Variants in CDK14 observed in about 807,000 individuals in gnomAD.
CDK14 encodes the protein cyclin dependent kinase 14.
Under a neutral mutation model 60.7 loss-of-function variants are expected in CDK14, and 34 were observed. The observed-to-expected ratio is 0.56, with a 90% confidence interval of 0.43 to 0.75. CDK14 has a LOEUF of 0.75. Among genes scored for constraint, CDK14 ranks in the 30% least tolerant of loss-of-function variants. CDK14 has a pLI of 0.00. For synonymous variants in CDK14, 197 were observed against 203.7 expected (o/e 0.97, Z 0.28); for missense variants, 482 against 564.1 (o/e 0.85, Z 1.47).
At chr7:90,829,350 C>T (rs920122248) in intron 5 of CDK14, among the ~76,000 whole-genome samples, 4 of 152,104 alleles carry the variant, frequency 2.6e-5, no homozygotes, top group African/African-American at 9.7e-5. Flanking sequence ...AGTCCAAAGT[C>T]CCATCTGACA....
At chr7:91,058,392 C>G (rs2116096174) in intron 11 of CDK14, among the ~76,000 whole-genome samples, 1 of 152,214 alleles carries the variant, frequency 6.6e-6, no homozygotes, top group Admixed American at 6.5e-5. Flanking sequence ...ATTGAATACC[C>G]TTTATTTCCT....
Position 91,118,199 on chromosome 7 carries a change from G to T in CDK14, c.*19G>T, listed in dbSNP as rs192554076. On this transcript the variant is annotated 3_prime_UTR_variant, in exon 14 of 15. Transcript: ENST00000380050. Reference sequence around the variant, plus strand: ...GCACTGACAAGCAGCACATTCTCAAGAGCACACAGGTAAGAGGACCTGCTT... The same window carrying T: ...GCACTGACAAGCAGCACATTCTCAATAGCACACAGGTAAGAGGACCTGCTT... 6.9e-7 allele frequency: 1 copy of T among 1,448,912 alleles called. No homozygotes were observed. The highest frequency in any genetic ancestry group is 1.4e-5 in the African/African-American group (1 of 71,664). The allele number at this position is 1,448,912 out of a possible 1,614,324, so 89.8% of individuals were successfully genotyped here. A position where few individuals can be genotyped will look rare whatever the true frequency, so the allele number is the denominator to read the frequency against.
At chr7:91,062,211 A>G (rs1382095316) in intron 11 of CDK14, among the ~76,000 whole-genome samples, 4 of 152,174 alleles carry the variant, frequency 2.6e-5, no homozygotes, top group Non-Finnish European at 5.9e-5. Flanking sequence ...GGTGTGGGAT[A>G]CAATGTCCTG....
intron 1 of CDK14, among the ~76,000 whole-genome samples, chr7:90,598,210 A>G (rs932152352): frequency 6.6e-6 from 1 of 152,250 alleles, no homozygotes; most frequent in Non-Finnish European, 1.5e-5. Flanking sequence ...GTGTTAAATA[A>G]TTCATTGCAA....
intron 2 of CDK14, among the ~76,000 whole-genome samples, chr7:90,690,464 TAG>T (rs1408206060): frequency 2.0e-5 from 3 of 152,186 alleles, no homozygotes; most frequent in Non-Finnish European, 2.9e-5. Flanking sequence ...GTAAAATACT[TAG>T]AAATACCCAT....
chr7:91,161,248 C>T lies in CDK14; in HGVS notation c.*28+43040C>T, dbSNP rs1284701203. On this transcript the variant is annotated intron_variant, in intron 14 of 14. Transcript: ENST00000380050. ...TAGACGGAGAGGATTCAGGAAGGAG[C>T]CTCCCAAGGCGCAGAATCAGTGGTG... Among the ~76,000 whole-genome samples, 3 of 152,218 alleles carry T rather than the reference C, an allele frequency of 2.0e-5. No homozygotes were observed. The East Asian group carries it at 5.8e-4, about 29-fold the overall frequency.
rs1014914528 is a variant in CDK14 at position 91,125,606 on chromosome 7, G to T, written c.*28+7398G>T. Among the ~76,000 whole-genome samples, 47 of 151,968 alleles carry T rather than the reference G, an allele frequency of 3.1e-4. 1 individual carries two copies. The highest frequency in any genetic ancestry group is 1.1e-3 in the African/African-American group (47 of 41,378). ...AAAGAATAATTTTTCAGCAGTCCTT[G>T]AGTTGTGAAGATAACATCATAGATT... On this transcript the variant is annotated intron_variant, in intron 14 of 14. Coordinates refer to ENST00000380050, the MANE Select transcript of CDK14 (RefSeq NM_001287135.2).
Position 90,601,765 on chromosome 7 carries a change from C to T in CDK14, c.92-2453C>T, listed in dbSNP as rs574659444. Among the ~76,000 whole-genome samples the T allele has an allele frequency of 8.6e-5, 13 of 151,520 alleles. No individual in the cohort carries two copies. In the East Asian group the frequency reaches 9.7e-4, roughly 11 times the overall value. On this transcript the variant is annotated intron_variant, in intron 1 of 14. Transcript: ENST00000380050. ...TAAGGGATAGTATCTTTTTTTTTGG[C>T]GGCAGAGGAACAGGGTCTCACTCTG...
chr7:91,113,001 G>C (rs953666709), intron 13 of CDK14, among the ~76,000 whole-genome samples: 6 of 152,138 alleles, frequency 3.9e-5, no homozygotes, highest in African/African-American at 1.4e-4. Context: ...GTCTGCAGCT[G>C]TGCATCTTTG....
At chr7:90,708,635 T>TTA (rs1192256031) in intron 2 of CDK14, among the ~76,000 whole-genome samples, 1 of 152,144 alleles carries the variant, frequency 6.6e-6, no homozygotes, top group Non-Finnish European at 1.5e-5. Flanking sequence ...GATGATTCAT[T>TTA]TAAACCAATT....
At chr7:90,642,017 C>T (rs1800349857) in intron 2 of CDK14, among the ~76,000 whole-genome samples, 1 of 152,128 alleles carries the variant, frequency 6.6e-6, no homozygotes, top group Admixed American at 6.5e-5. Context: ...AAGGGAAAAA[C>T]CTGCCTCCCT....
intron 9 of CDK14, among the ~76,000 whole-genome samples, chr7:90,981,803 G>GAAACAAAACA (rs3840668): frequency 0.29 from 43,048 of 148,404 alleles, 6,401 homozygotes; most frequent in Middle Eastern, 0.44. Flanking sequence ...GAGAGTTCTA[G>GAAACAAAACA]AAACAAAACA....
rs564541828 is a variant in CDK14 at position 91,158,045 on chromosome 7, AT to A, written c.*28+39843del. On this transcript the variant is annotated intron_variant, in intron 14 of 14. Transcript: ENST00000380050. ...TTTTCTCAATATCCATTTGCCAAAC[AT>A]TTTTTATATAATATATTATATTATA... 2.0e-3 allele frequency among the ~76,000 whole-genome samples: 294 copies of A among 148,248 alleles called. 2 individuals carry two copies. Among genetic ancestry groups the A allele is most frequent in the African/African-American group, 6.9e-3 (280 of 40,766 alleles).
intron 11 of CDK14, among the ~76,000 whole-genome samples, chr7:91,060,087 CCT>C (rs1797730508): frequency 1.3e-5 from 2 of 152,050 alleles, no homozygotes; most frequent in African/African-American, 4.8e-5. Context: ...TCTGGGTGCT[CCT>C]TATTGGGTGC....
intron 10 of CDK14, among the ~76,000 whole-genome samples, chr7:91,038,999 G>T (rs895710018): frequency 2.0e-5 from 3 of 152,088 alleles, no homozygotes; most frequent in East Asian, 1.9e-4. Flanking sequence ...TAATACAGGG[G>T]TGTTCCCAGA....
chr7:91,153,569 T>C (rs1473585601), intron 14 of CDK14, among the ~76,000 whole-genome samples: 1 of 152,182 alleles, frequency 6.6e-6, no homozygotes. Flanking sequence ...AATGAGATCA[T>C]GTCCTTTGCA....
At chr7:90,729,344 GTT>G (rs1237046149) in intron 3 of CDK14, among the ~76,000 whole-genome samples, 1 of 45,206 alleles carries the variant, frequency 2.2e-5, no homozygotes, top group African/African-American at 8.8e-5. Context: ...AGGTATCAAG[GTT>G]TTTTTTTTTT....
intron 5 of CDK14, among the ~76,000 whole-genome samples, chr7:90,811,897 C>A (rs1331539937): frequency 6.6e-6 from 1 of 152,146 alleles, no homozygotes; most frequent in African/African-American, 2.4e-5. Context: ...CAGAGAAATG[C>A]AAATCAAAGC....
chr7:90,786,086 A>G (rs1184256962), intron 4 of CDK14, among the ~76,000 whole-genome samples: 1 of 152,220 alleles, frequency 6.6e-6, no homozygotes, highest in East Asian at 1.9e-4. Context: ...GGCAGACTAA[A>G]GCAATGAGTC....
Sources: gnomAD v4.1 joint callset for allele counts (sites outside exome capture counted in the v4.1 genomes callset) on GRCh38, gnomAD v4.1.1 for gene constraint, MANE v1.5 for transcripts, NCBI Gene and HGNC (gene_info 2026-07-23, HGNC 2026-07-21) for gene names.